Variants in KCNIP4 observed in about 807,000 individuals in gnomAD.
The protein encoded by KCNIP4 is Kv channel-interacting protein 4.
Under a neutral mutation model 34.0 loss-of-function variants are expected in KCNIP4, and 12 were observed. The observed-to-expected ratio is 0.35, with a 90% CI of 0.23 to 0.57. KCNIP4 has a LOEUF of 0.57. Ranked by LOEUF, KCNIP4 falls within the 20% of genes least tolerant of loss-of-function variation. KCNIP4 has a pLI of 0.83. For missense variants in KCNIP4, 238 were observed against 311.7 expected (o/e 0.76, Z 1.78); for synonymous variants, 124 against 102.2 (o/e 1.21, Z -1.29).
intron 1 of KCNIP4, among the ~76,000 whole-genome samples, chr4:21,326,415 C>T (rs572485846): frequency 6.6e-6 from 1 of 151,238 alleles, no homozygotes; most frequent in East Asian, 1.9e-4. Flanking sequence ...TAACTGTAGC[C>T]AATCCTGCTG....
At chr4:21,788,474 C>T (rs1361303078) in intron 1 of KCNIP4, among the ~76,000 whole-genome samples, 1 of 152,144 alleles carries the variant, frequency 6.6e-6, no homozygotes, top group African/African-American at 2.4e-5. Flanking sequence ...CACCCCCAGC[C>T]TCTAACCTCA....
chr4:21,408,491 T>TAGTG (rs1724202137), intron 1 of KCNIP4, among the ~76,000 whole-genome samples: 1 of 151,716 alleles, frequency 6.6e-6, no homozygotes, highest in South Asian at 2.1e-4. Flanking sequence ...AAGAGTAGAG[T>TAGTG]AGTGACATTA....
intron 1 of KCNIP4, among the ~76,000 whole-genome samples, chr4:21,601,002 T>G (rs1743088206): frequency 6.6e-6 from 1 of 151,764 alleles, no homozygotes; most frequent in Non-Finnish European, 1.5e-5. Flanking sequence ...CCATCACTAT[T>G]CCAGTCACTA....
intron 3 of KCNIP4, among the ~76,000 whole-genome samples, chr4:20,797,751 G>T (rs544105267): frequency 5.9e-5 from 9 of 152,258 alleles, no homozygotes; most frequent in East Asian, 1.9e-4. Context: ...GCAGTCCCTG[G>T]CTGTGGGTCG....
At chr4:20,926,559 C>A (rs184841336) in intron 1 of KCNIP4, among the ~76,000 whole-genome samples, 1 of 152,288 alleles carries the variant, frequency 6.6e-6, no homozygotes, top group African/African-American at 2.4e-5. Flanking sequence ...TTTGCATGTA[C>A]TAGAGCTTAC....
At chr4:21,589,145 A>C (rs1741902872) in intron 1 of KCNIP4, among the ~76,000 whole-genome samples, 1 of 124,256 alleles carries the variant, frequency 8.0e-6, no homozygotes, top group Non-Finnish European at 1.7e-5. Context: ...GGGGCACAAA[A>C]ATGGAGGTGT....
At chr4:21,672,220 G>A (rs1322596861) in intron 1 of KCNIP4, among the ~76,000 whole-genome samples, 4 of 152,138 alleles carry the variant, frequency 2.6e-5, no homozygotes, top group East Asian at 1.9e-4. Flanking sequence ...ACCATAGCAC[G>A]TGTATACTTA....
rs1560337913 is a variant in KCNIP4 at position 21,370,834 on chromosome 4, TATATATATATATATATACACACACAC to T, written c.62-488151_62-488126del. On this transcript the variant is annotated intron_variant, in intron 1 of 8. Transcript: ENST00000382152. ...ATATATATATATATATATATATATA[TATATATATATATATATACACACACAC>T]ACACACACACACACACACACACGTG... 5.6e-4 allele frequency among the ~76,000 whole-genome samples: 18 copies of T among 32,388 alleles called. No homozygotes were observed. In the East Asian group the frequency reaches 0.012, roughly 21 times the overall value. The allele number at this position is 32,388 out of a possible 152,430, so 21.2% of individuals were successfully genotyped here. A position where few individuals can be genotyped will look rare whatever the true frequency, so the allele number is the denominator to read the frequency against.
chr4:21,081,480 G>T (rs574047919), intron 1 of KCNIP4, among the ~76,000 whole-genome samples: 3 of 151,606 alleles, frequency 2.0e-5, no homozygotes, highest in Admixed American at 6.6e-5. Flanking sequence ...ATTAACTTCG[G>T]TAGTATGTTT....
At chr4:21,461,012 C>A (rs191590588) in intron 1 of KCNIP4, among the ~76,000 whole-genome samples, 5 of 152,120 alleles carry the variant, frequency 3.3e-5, no homozygotes, top group African/African-American at 4.8e-5. Flanking sequence ...GACAATGCTG[C>A]CAAGAATAGT....
intron 1 of KCNIP4, among the ~76,000 whole-genome samples, chr4:21,027,289 T>C (rs1276876633): frequency 2.0e-5 from 3 of 152,256 alleles, no homozygotes; most frequent in African/African-American, 7.2e-5. Flanking sequence ...GGATTGTCTA[T>C]GGCTACAACA....
chr4:21,148,461 C>A (rs1440648940), intron 1 of KCNIP4, among the ~76,000 whole-genome samples: 1 of 152,106 alleles, frequency 6.6e-6, no homozygotes, highest in African/African-American at 2.4e-5. Flanking sequence ...GTTTACGCAT[C>A]CAATGATGAT....
intron 1 of KCNIP4, among the ~76,000 whole-genome samples, chr4:21,352,570 G>C (rs1455325349): frequency 2.0e-5 from 3 of 152,212 alleles, no homozygotes; most frequent in Admixed American, 6.5e-5. Flanking sequence ...AGCCTGGCAG[G>C]GGGAGGGATG....
chr4:21,848,997 A>G (rs1724204462), intron 1 of KCNIP4: 1 of 151,040 alleles, frequency 6.6e-6, no homozygotes, highest in South Asian at 2.1e-4. Context: ...TAAAAAATAC[A>G]TTGTGAAATA....
intron 1 of KCNIP4, among the ~76,000 whole-genome samples, chr4:21,523,067 G>T (rs1000874573): frequency 6.6e-6 from 1 of 151,920 alleles, no homozygotes; most frequent in Non-Finnish European, 1.5e-5. Context: ...TTCACCAACT[G>T]CAGAGAGCTA....
At chr4:21,528,279 ATTG>A (rs1271050993) in intron 1 of KCNIP4, among the ~76,000 whole-genome samples, 3 of 151,910 alleles carry the variant, frequency 2.0e-5, no homozygotes, top group East Asian at 3.9e-4. Flanking sequence ...GATTTGAGTT[ATTG>A]TTGTTGTTGT....
intron 1 of KCNIP4, among the ~76,000 whole-genome samples, chr4:21,941,138 C>T (rs886587231): frequency 7.9e-5 from 12 of 152,022 alleles, no homozygotes; most frequent in African/African-American, 2.4e-4. Context: ...AGATGTAGAT[C>T]GGTTTAAGAG....
chr4:21,551,543 C>T (rs552230292), intron 1 of KCNIP4, among the ~76,000 whole-genome samples: 9 of 152,188 alleles, frequency 5.9e-5, no homozygotes, highest in African/African-American at 1.4e-4. Context: ...AAAGACTAAA[C>T]ATCCTTGACA....
At chr4:21,887,208 G>A (rs939585194) in intron 1 of KCNIP4, among the ~76,000 whole-genome samples, 1 of 152,080 alleles carries the variant, frequency 6.6e-6, no homozygotes, top group Non-Finnish European at 1.5e-5. Flanking sequence ...AGATGAGGTG[G>A]CTTAATCAAC....
Sources: gnomAD v4.1 joint callset for allele counts (sites outside exome capture counted in the v4.1 genomes callset) on GRCh38, gnomAD v4.1.1 for gene constraint, MANE v1.5 for transcripts, NCBI Gene and HGNC (gene_info 2026-07-23, HGNC 2026-07-21) for gene names.